The following GABPB1 variants were observed in gnomAD, a reference collection of about 807,000 sequenced individuals.
GABPB1 encodes GA binding protein transcription factor subunit beta 1, also known as GA-binding protein subunit beta-1.
In GABPB1, 15 loss-of-function variants were observed where a neutral mutation model predicts 45.9. The ratio of observed to expected loss-of-function variants is 0.33; its 90% CI spans 0.22 to 0.50. The LOEUF (loss-of-function observed/expected upper bound fraction) is 0.50, where lower values mean the gene tolerates loss of function less well. Among genes scored for constraint, GABPB1 ranks in the 20% least tolerant of loss-of-function variants. The probability of loss-of-function intolerance (pLI) is 0.98; values close to 1 mark genes in which losing one functional copy is unlikely to be tolerated. For missense variants in GABPB1, 252 were observed against 457.5 expected (o/e 0.55, Z 4.10); for synonymous variants, 143 against 154.4 (o/e 0.93, Z 0.55).
chr15:50,352,871 CAATT>C (rs1295822640), intron 1 of GABPB1: 1 of 152,150 alleles, frequency 6.6e-6, no homozygotes, highest in Non-Finnish European at 1.5e-5. Flanking sequence ...ATGCATTAAT[CAATT>C]AAGTATAATT....
rs2045845521 is a variant in GABPB1, at chr15:50,276,897, T to C, written c.*1735A>G. On this transcript the variant is annotated 3_prime_UTR_variant, in exon 9 of 9. Transcript: ENST00000380877. ...AAGTCACTTCATGCTATTGAAAATATGGCCTGGCATTTTTAAAAACTAGTT... is the reference window on the plus strand; with the variant it reads ...AAGTCACTTCATGCTATTGAAAATACGGCCTGGCATTTTTAAAAACTAGTT... The C allele has an allele frequency of 6.6e-6, 1 of 152,276 alleles. No homozygotes were observed. Among genetic ancestry groups the C allele is most frequent in the African/African-American group, 2.4e-5 (1 of 41,472 alleles). 9.4% of individuals were successfully genotyped at this position (152,276 alleles called of 1,614,324 possible).
chr15:50,306,901 A>G (rs2046969166), intron 2 of GABPB1, among the ~76,000 whole-genome samples: 2 of 151,978 alleles, frequency 1.3e-5, no homozygotes, highest in Admixed American at 1.3e-4. Context: ...TAGCTTACTA[A>G]TTTTCTGTGT....
intron 2 of GABPB1, among the ~76,000 whole-genome samples, chr15:50,307,172 T>C (rs1013283839): frequency 2.0e-5 from 3 of 152,160 alleles, no homozygotes; most frequent in Non-Finnish European, 4.4e-5. Flanking sequence ...ACCAATTCCA[T>C]ACTTCCACCA....
intron 2 of GABPB1, among the ~76,000 whole-genome samples, chr15:50,304,425 T>C (rs895683685): frequency 4.6e-5 from 7 of 152,166 alleles, no homozygotes; most frequent in African/African-American, 1.7e-4. Context: ...AATTAAGATA[T>C]AGAGGCCGAA....
intron 1 of GABPB1, among the ~76,000 whole-genome samples, chr15:50,310,124 G>A (rs2047080084): frequency 1.3e-5 from 2 of 152,076 alleles, no homozygotes; most frequent in Non-Finnish European, 2.9e-5. Context: ...ACAGAGTCTC[G>A]GCCTGTCACC....
intron 7 of GABPB1, among the ~76,000 whole-genome samples, chr15:50,288,164 G>A (rs1252846374): frequency 6.6e-6 from 1 of 152,164 alleles, no homozygotes; most frequent in African/African-American, 2.4e-5. Context: ...CGATCTTCCT[G>A]CCTCAGCCTT....
intron 5 of GABPB1, 96 bp downstream of exon 5, chr15:50,301,161 A>G (rs1410835508): frequency 5.4e-6 from 8 of 1,493,896 alleles, no homozygotes; most frequent in Non-Finnish European, 7.3e-6. Flanking sequence ...CCTTTCTTAC[A>G]AGGATGAATA....
intron 1 of GABPB1, chr15:50,352,260 A>C (rs1327679211): frequency 6.6e-6 from 1 of 152,158 alleles, no homozygotes. Flanking sequence ...AGTAAAAAAA[A>C]ATTCATGGTA....
rs964023567 is a variant in GABPB1, at chr15:50,309,624, AT to A, written c.108+66del. On this transcript the variant is annotated intron_variant, in intron 2 of 8. Coordinates refer to ENST00000380877, the MANE Select transcript of GABPB1 (RefSeq NM_016654.5). The stretch of plus-strand genomic sequence containing the variant: ...CACTTATAAACACAATACTGACTAC[AT>A]TTTTCTCTGCAAAAACTCAAAAATG... 7.3e-6 allele frequency: 7 copies of A among 957,038 alleles called. No homozygotes were observed. In the African/African-American group the frequency reaches 9.7e-5, roughly 13 times the overall value. The allele number at this position is 957,038 out of a possible 1,614,324, so 59.3% of individuals were successfully genotyped here.
At chr15:50,351,293 A>C (rs2048812325) in intron 1 of GABPB1, 1 of 152,218 alleles carries the variant, frequency 6.6e-6, no homozygotes, top group African/African-American at 2.4e-5. Flanking sequence ...AGAATTATTC[A>C]CAGATGGGTG....
intron 1 of GABPB1, among the ~76,000 whole-genome samples, chr15:50,335,964 T>C (rs2048109804): frequency 6.6e-6 from 1 of 151,196 alleles, no homozygotes; most frequent in African/African-American, 2.4e-5. Context: ...ACAAGATATA[T>C]TTGGAAGTGA....
intron 1 of GABPB1, among the ~76,000 whole-genome samples, chr15:50,311,325 G>A (rs920818711): frequency 1.3e-5 from 2 of 151,992 alleles, no homozygotes; most frequent in Non-Finnish European, 2.9e-5. Flanking sequence ...GGGAATATAT[G>A]GAATCCCTGA....
At position 50,277,277 on chromosome 15, in the gene GABPB1, T is replaced by C. The variant is rs2045851621; in HGVS notation, c.*1355A>G. ...GAACATATGTGAAAAAGATATTTAA[T>C]TGCAAAATAGAAAAGTAGGCCAGAG... On this transcript the variant is annotated 3_prime_UTR_variant, in exon 9 of 9. Transcript: ENST00000380877. 6.6e-6 allele frequency: 1 copy of C among 152,178 alleles called. No homozygotes were observed. The highest frequency in any genetic ancestry group is 2.1e-4 in the South Asian group (1 of 4,836). 9.4% of individuals were successfully genotyped at this position (152,178 alleles called of 1,614,324 possible).
intron 8 of GABPB1, among the ~76,000 whole-genome samples, chr15:50,281,351 A>G (rs1006798624): frequency 1.3e-5 from 2 of 151,836 alleles, no homozygotes; most frequent in African/African-American, 4.8e-5. Flanking sequence ...AGCTGGGACT[A>G]TAGGCGCACG....
At chr15:50,333,653 G>T (rs577612256) in intron 1 of GABPB1, among the ~76,000 whole-genome samples, 2 of 152,042 alleles carry the variant, frequency 1.3e-5, no homozygotes, top group South Asian at 4.2e-4. Flanking sequence ...ATTTTCACTG[G>T]GCATAAAATT....
chr15:50,302,643 C>CAA (rs60408137), intron 4 of GABPB1, among the ~76,000 whole-genome samples: 947 of 62,058 alleles, frequency 0.015, 124 homozygotes, highest in African/African-American at 0.047. Flanking sequence ...GACTCTGGCT[C>CAA]AAAAAAAAAA....
At chr15:50,354,792 C>G in intron 1 of GABPB1, 193 bp downstream of exon 1, 1 of 229,582 alleles carries the variant, frequency 4.4e-6, no homozygotes, top group South Asian at 4.2e-5. Flanking sequence ...GCGGCGCGGG[C>G]GCCCAGGCCG....
intron 1 of GABPB1, among the ~76,000 whole-genome samples, chr15:50,323,789 T>A (rs1208015379): frequency 6.6e-6 from 1 of 152,054 alleles, no homozygotes; most frequent in Non-Finnish European, 1.5e-5. Flanking sequence ...GGAGGATCGC[T>A]TAAGCCCAGA....
At position 50,278,298 on chromosome 15, in the gene GABPB1, G is replaced by A. The variant is rs1159127966; in HGVS notation, c.*334C>T. 5 of 167,240 alleles carry A rather than the reference G, an allele frequency of 3.0e-5. No homozygotes were observed. The highest frequency in any genetic ancestry group is 6.4e-5 in the Non-Finnish European group (5 of 77,830). The allele number at this position is 167,240 out of a possible 1,614,324, so 10.4% of individuals were successfully genotyped here. On this transcript the variant is annotated 3_prime_UTR_variant, in exon 9 of 9. Coordinates refer to ENST00000380877, the MANE Select transcript of GABPB1 (RefSeq NM_016654.5). Reference sequence around the variant, plus strand: ...CAACGATCACCCTTAAAACTGTTCCGTTTCTGAGAAATTAAGGTTTGTACT... The same window carrying A: ...CAACGATCACCCTTAAAACTGTTCCATTTCTGAGAAATTAAGGTTTGTACT...
Sources: allele counts gnomAD v4.1 joint callset (sites outside exome capture counted in the v4.1 genomes callset), GRCh38; gene constraint gnomAD v4.1.1; transcripts MANE v1.5; gene names NCBI Gene and HGNC (gene_info 2026-07-23, HGNC 2026-07-21).